The following DLG2 variants were observed in gnomAD, a reference collection of about 807,000 sequenced individuals.
DLG2 encodes discs large MAGUK scaffold protein 2.
Under a neutral mutation model 132.5 loss-of-function variants are expected in DLG2, and 45 were observed. That is an observed-to-expected ratio of 0.34 (90% CI 0.27 to 0.44). The LOEUF (loss-of-function observed/expected upper bound fraction) is 0.44, where lower values mean the gene tolerates loss of function less well. Ranked by LOEUF, DLG2 falls within the 20% of genes least tolerant of loss-of-function variation. The pLI is 1.00. For missense variants in DLG2, 1,045 were observed against 1,196.9 expected, an observed-to-expected ratio of 0.87 and a Z score of 1.87; for synonymous variants, 424 against 419.6, an observed-to-expected ratio of 1.01 and a Z score of -0.13.
At chr11:83,753,875 GATATATATCATATATATC>G (rs1284563664) in intron 18 of DLG2, among the ~76,000 whole-genome samples, 2 of 14,392 alleles carry the variant, frequency 1.4e-4, no homozygotes, top group African/African-American at 9.7e-4. Context: ...TCATATATAT[GATATATATCATATATATC>G]ATATATATAT....
chr11:83,539,189 A>G (rs2095986903), intron 20 of DLG2, among the ~76,000 whole-genome samples: 1 of 152,198 alleles, frequency 6.6e-6, no homozygotes, highest in South Asian at 2.1e-4. Flanking sequence ...TTTATTCACC[A>G]TCTTCAGAAA....
At chr11:84,170,823 G>A (rs2095802985) in intron 8 of DLG2, among the ~76,000 whole-genome samples, 1 of 152,066 alleles carries the variant, frequency 6.6e-6, no homozygotes. Context: ...GTCCCTCCCA[G>A]CTCTGACCTA....
intron 4 of DLG2, among the ~76,000 whole-genome samples, chr11:85,228,381 G>C (rs2075099506): frequency 6.6e-6 from 1 of 152,108 alleles, no homozygotes; most frequent in Admixed American, 6.6e-5. Context: ...AAATGTTTAA[G>C]AAGAATCATG....
At chr11:85,394,208 T>C (rs917474125) in intron 3 of DLG2, among the ~76,000 whole-genome samples, 1 of 152,154 alleles carries the variant, frequency 6.6e-6, no homozygotes, top group Non-Finnish European at 1.5e-5. Flanking sequence ...TTAAAACAAA[T>C]GAGGTAATAT....
chr11:83,735,190 T>C (rs1251161005), intron 18 of DLG2, among the ~76,000 whole-genome samples: 2 of 152,340 alleles, frequency 1.3e-5, no homozygotes, highest in Non-Finnish European at 2.9e-5. Context: ...AGTTTTTCTT[T>C]GGCCTTTTAA....
intron 6 of DLG2, among the ~76,000 whole-genome samples, chr11:84,779,933 T>C (rs2071411278): frequency 6.7e-6 from 1 of 149,522 alleles, no homozygotes; most frequent in Admixed American, 6.6e-5. Flanking sequence ...CAGATTGTGA[T>C]ATTCACAACC....
chr11:84,637,043 C>T (rs1173204440), intron 6 of DLG2, among the ~76,000 whole-genome samples: 2 of 152,120 alleles, frequency 1.3e-5, no homozygotes, highest in East Asian at 3.9e-4. Context: ...CCATGTCGGC[C>T]TCCCAGAGTG....
rs192945796 is a variant in DLG2 at position 84,345,249 on chromosome 11, A to G, written c.520-93958T>C. ...GCTGACCTGGGAAAATTACTGCAGC[A>G]ATTTGTATGTGAAACATGGATTTGG... On this transcript the variant is annotated intron_variant, in intron 7 of 27. Coordinates refer to ENST00000376104, the MANE Select transcript of DLG2 (RefSeq NM_001142699.3). Among the ~76,000 whole-genome samples the G allele has an allele frequency of 2.3e-3, 354 of 152,306 alleles. 1 individual carries two copies. Among genetic ancestry groups the G allele is most frequent in the African/African-American group, 8.3e-3 (343 of 41,564 alleles).
intron 3 of DLG2, chr11:85,285,999 C>A: frequency 6.0e-6 from 2 of 335,142 alleles, no homozygotes; most frequent in East Asian, 9.9e-5. Context: ...GTCAGAGGAT[C>A]CCAAGATGAA....
chr11:84,935,324 T>C (rs1190346892), intron 6 of DLG2, among the ~76,000 whole-genome samples: 3 of 152,202 alleles, frequency 2.0e-5, no homozygotes, highest in African/African-American at 4.8e-5. Context: ...TAAATATGAA[T>C]TATATCATTC....
chr11:85,192,285 T>C (rs1486649480), intron 4 of DLG2, among the ~76,000 whole-genome samples: 1 of 152,228 alleles, frequency 6.6e-6, no homozygotes, highest in Non-Finnish European at 1.5e-5. Context: ...TACTAACTAC[T>C]CCATAAAAAC....
chr11:85,228,843 T>C (rs2075128021), intron 4 of DLG2, among the ~76,000 whole-genome samples: 1 of 151,658 alleles, frequency 6.6e-6, no homozygotes, highest in Non-Finnish European at 1.5e-5. Flanking sequence ...ATTATTATAG[T>C]TGGATTTAAG....
chr11:84,117,265 C>T (rs979811705), intron 9 of DLG2, among the ~76,000 whole-genome samples: 1 of 152,162 alleles, frequency 6.6e-6, no homozygotes, highest in Non-Finnish European at 1.5e-5. Flanking sequence ...TATTTTCTAG[C>T]CTGCTTTAGT....
chr11:85,176,271 GAGCAATGGAAC>G (rs1437390579), intron 4 of DLG2, among the ~76,000 whole-genome samples: 1 of 152,078 alleles, frequency 6.6e-6, no homozygotes, highest in Admixed American at 6.6e-5. Flanking sequence ...AAGACACCTA[GAGCAATGGAAC>G]AGAATAGAGA....
Position 84,343,360 on chromosome 11 carries a change from C to A in DLG2, c.520-92069G>T, listed in dbSNP as rs149081512. Among the ~76,000 whole-genome samples the A allele has an allele frequency of 2.4e-3, 360 of 152,262 alleles. 4 individuals are homozygous for A. The highest frequency in any genetic ancestry group is 0.021 in the Admixed American group (326 of 15,284). The stretch of plus-strand genomic sequence containing the variant: ...ATTACAAAGTTTATAATATATCCCC[C>A]CAACCTAAGGGAAAAGCCCTGAATT... On this transcript the variant is annotated intron_variant, in intron 7 of 27. Transcript: ENST00000376104.
At chr11:84,804,003 T>G (rs1204338148) in intron 6 of DLG2, among the ~76,000 whole-genome samples, 1 of 152,184 alleles carries the variant, frequency 6.6e-6, no homozygotes, top group African/African-American at 2.4e-5. Context: ...TGACATGATA[T>G]ACTCAAACTA....
At chr11:84,029,644 A>G (rs1311129592) in intron 11 of DLG2, among the ~76,000 whole-genome samples, 3 of 152,150 alleles carry the variant, frequency 2.0e-5, no homozygotes. Context: ...AAGTCCACAC[A>G]ACTCTAAGTG....
intron 6 of DLG2, among the ~76,000 whole-genome samples, chr11:84,618,467 G>A (rs955954296): frequency 2.0e-5 from 3 of 152,064 alleles, no homozygotes; most frequent in Non-Finnish European, 4.4e-5. Context: ...AAATAAGCAA[G>A]ACCAAACCAA....
At chr11:84,633,237 C>T (rs569894818) in intron 6 of DLG2, among the ~76,000 whole-genome samples, 50 of 152,302 alleles carry the variant, frequency 3.3e-4, no homozygotes, top group African/African-American at 1.1e-3. Flanking sequence ...TTATACAAAG[C>T]TTTTCTTGAT....
Sources: gnomAD v4.1 joint callset for allele counts (sites outside exome capture counted in the v4.1 genomes callset) on GRCh38, gnomAD v4.1.1 for gene constraint, MANE v1.5 for transcripts, NCBI Gene and HGNC (gene_info 2026-07-23, HGNC 2026-07-21) for gene names.